SLIT3: variants seen among roughly 807,000 people sequenced by gnomAD.
The protein encoded by SLIT3 is slit guidance ligand 3.
A neutral mutation model predicts 184.0 loss-of-function variants in SLIT3; 68 were observed. The observed-to-expected ratio is 0.37, with a 90% CI of 0.30 to 0.45. SLIT3 has a LOEUF of 0.45. SLIT3 is among the 20% of genes least tolerant of loss of function. The pLI is 1.00. For synonymous variants in SLIT3, 831 were observed against 828.6 expected (o/e 1.00, Z -0.05); for missense variants, 1,707 against 2,026.0 (o/e 0.84, Z 3.02).
chr5:169,146,226 GC>G (rs1249210891), intron 4 of SLIT3, among the ~76,000 whole-genome samples: 2 of 152,238 alleles, frequency 1.3e-5, no homozygotes, highest in Non-Finnish European at 2.9e-5. Context: ...TTAATAAGTG[GC>G]AAAACAAGAA....
intron 4 of SLIT3, among the ~76,000 whole-genome samples, chr5:168,967,435 A>ATTTTTTTTTTTTTTTTT (rs556216624): frequency 2.6e-4 from 8 of 30,770 alleles, no homozygotes; most frequent in South Asian, 1.7e-3. Flanking sequence ...GCCATCTCAA[A>ATTTTTTTTTTTTTTTTT]TCTTTTTTTT....
Position 169,294,263 on chromosome 5 carries a change from A to G in SLIT3, c.197+6250T>C, listed in dbSNP as rs7715092. On this transcript the variant is annotated intron_variant, in intron 1 of 35. Coordinates refer to ENST00000519560, the MANE Select transcript of SLIT3 (RefSeq NM_003062.4). Reference sequence around the variant, plus strand: ...AAAATAGAAGGAATGAGCATTGAAAAAAAAAAAAAAAGTCAGGGCCAAAAA... The same window carrying G: ...AAAATAGAAGGAATGAGCATTGAAAGAAAAAAAAAAAGTCAGGGCCAAAAA... 5.6e-3 allele frequency among the ~76,000 whole-genome samples: 846 copies of G among 152,120 alleles called. 12 individuals carry two copies. The highest frequency in any genetic ancestry group is 0.019 in the African/African-American group (787 of 41,522).
chr5:168,693,692 C>G (rs758485280), intron 28 of SLIT3, among the ~76,000 whole-genome samples: 1 of 152,130 alleles, frequency 6.6e-6, no homozygotes, highest in African/African-American at 2.4e-5. Flanking sequence ...TGCCTTAGCT[C>G]CTGCTCCCAG....
chr5:169,150,489 T>TTCCCA (rs142186628), intron 4 of SLIT3, among the ~76,000 whole-genome samples: 3,756 of 151,276 alleles, frequency 0.025, 147 homozygotes, highest in East Asian at 0.09. Context: ...GAGGAACAAT[T>TTCCCA]TCCCATCCCA....
At chr5:169,150,326 C>G (rs144227998) in intron 4 of SLIT3, among the ~76,000 whole-genome samples, 117 of 152,146 alleles carry the variant, frequency 7.7e-4, no homozygotes, top group African/African-American at 2.4e-3. Flanking sequence ...CTGGTCTAGG[C>G]CAGGACCACA....
intron 3 of SLIT3, among the ~76,000 whole-genome samples, chr5:169,230,387 G>A (rs746702771): frequency 2.6e-4 from 39 of 152,266 alleles, no homozygotes; most frequent in South Asian, 1.9e-3. Flanking sequence ...GGAACATAAC[G>A]CACATAACAG....
intron 3 of SLIT3, among the ~76,000 whole-genome samples, chr5:169,215,337 C>T (rs1256243672): frequency 2.0e-5 from 3 of 152,208 alleles, no homozygotes; most frequent in Non-Finnish European, 4.4e-5. Flanking sequence ...GCTGAGAGGG[C>T]ATCCATTCTA....
chr5:168,756,754 A>T (rs1173634231), intron 16 of SLIT3, among the ~76,000 whole-genome samples: 1 of 152,198 alleles, frequency 6.6e-6, no homozygotes, highest in African/African-American at 2.4e-5. Context: ...ATGCCAGAAG[A>T]GAAGGCTTTT....
intron 23 of SLIT3, among the ~76,000 whole-genome samples, chr5:168,713,663 C>G (rs1472645982): frequency 6.6e-6 from 1 of 152,216 alleles, no homozygotes; most frequent in Non-Finnish European, 1.5e-5. Context: ...ATTTGCTCTT[C>G]TTCTCCCTTC....
intron 4 of SLIT3, among the ~76,000 whole-genome samples, chr5:169,119,480 T>C (rs1490892557): frequency 1.3e-5 from 2 of 152,206 alleles, no homozygotes; most frequent in African/African-American, 2.4e-5. Context: ...AGGAATGAAA[T>C]AGTGGCTAAT....
At chr5:168,774,778 T>C (rs1755686484) in intron 12 of SLIT3, among the ~76,000 whole-genome samples, 1 of 152,338 alleles carries the variant, frequency 6.6e-6, no homozygotes, top group East Asian at 1.9e-4. Context: ...CTACGGGCAA[T>C]TTGATTCAGA....
chr5:168,891,849 G>C (rs1423627174), intron 4 of SLIT3, among the ~76,000 whole-genome samples: 1 of 152,164 alleles, frequency 6.6e-6, no homozygotes, highest in Admixed American at 6.5e-5. Flanking sequence ...GATGCTTCAG[G>C]GTTGTGCAGG....
At chr5:168,807,896 C>T (rs967209233) in intron 8 of SLIT3, among the ~76,000 whole-genome samples, 7 of 152,140 alleles carry the variant, frequency 4.6e-5, no homozygotes, top group South Asian at 2.1e-4. Flanking sequence ...GTGCGCTCTC[C>T]GCGTTCAATA....
intron 3 of SLIT3, among the ~76,000 whole-genome samples, chr5:169,204,920 G>A (rs1764020430): frequency 6.6e-6 from 1 of 152,206 alleles, no homozygotes. Flanking sequence ...GTCCACAGAA[G>A]TGTGTGTGTT....
At chr5:168,964,084 A>G (rs1389220968) in intron 4 of SLIT3, among the ~76,000 whole-genome samples, 1 of 152,238 alleles carries the variant, frequency 6.6e-6, no homozygotes, top group African/African-American at 2.4e-5. Context: ...AAAGCAAATA[A>G]AATAAAATAA....
Position 169,159,126 on chromosome 5 carries a change from T to C in SLIT3, c.413+34353A>G, listed in dbSNP as rs191655570. Among the ~76,000 whole-genome samples, 17 of 152,254 alleles carry C rather than the reference T, an allele frequency of 1.1e-4. No individual in the cohort carries two copies. The East Asian group carries it at 3.3e-3, about 30-fold the overall frequency. Reference sequence around the variant, plus strand: ...GAGGCTGGGCATGGTGGCTCATGCCTGTAATCCCAGCGTTTTGGGAGGCCG... The same window carrying C: ...GAGGCTGGGCATGGTGGCTCATGCCCGTAATCCCAGCGTTTTGGGAGGCCG... On this transcript the variant is annotated intron_variant, in intron 4 of 35. Coordinates refer to ENST00000519560, the MANE Select transcript of SLIT3 (RefSeq NM_003062.4).
intron 4 of SLIT3, among the ~76,000 whole-genome samples, chr5:169,176,202 T>C (rs908960130): frequency 6.6e-6 from 1 of 152,182 alleles, no homozygotes; most frequent in African/African-American, 2.4e-5. Flanking sequence ...TCAGCAGCTC[T>C]TTTGCAGAGA....
intron 3 of SLIT3, among the ~76,000 whole-genome samples, chr5:169,203,238 T>TG (rs1472193699): frequency 6.6e-6 from 1 of 152,110 alleles, no homozygotes; most frequent in African/African-American, 2.4e-5. Context: ...CATGGGTCTC[T>TG]GGGGAGCCCC....
At chr5:169,083,251 C>T (rs183646071) in intron 4 of SLIT3, among the ~76,000 whole-genome samples, 15 of 152,208 alleles carry the variant, frequency 9.9e-5, no homozygotes, top group Admixed American at 5.2e-4. Context: ...GATACATGTG[C>T]GAATATACAC....
Sources: gnomAD v4.1 joint callset for allele counts (sites outside exome capture counted in the v4.1 genomes callset) on GRCh38, gnomAD v4.1.1 for gene constraint, MANE v1.5 for transcripts, NCBI Gene and HGNC (gene_info 2026-07-23, HGNC 2026-07-21) for gene names.